Variants in TLK1 observed in about 807,000 individuals in gnomAD.
The protein encoded by TLK1 is tousled like kinase 1, also known as serine/threonine-protein kinase tousled-like 1.
Under a neutral mutation model 105.3 loss-of-function variants are expected in TLK1, and 24 were observed. The ratio of observed to expected loss-of-function variants is 0.23; its 90% CI spans 0.17 to 0.32. TLK1 has a LOEUF of 0.32. Among genes scored for constraint, TLK1 ranks in the 10% least tolerant of loss-of-function variants. The pLI is 1.00. For synonymous variants in TLK1, 321 were observed against 310.4 expected, an observed-to-expected ratio of 1.03 and a Z score of -0.36; for missense variants, 558 against 910.5, an observed-to-expected ratio of 0.61 and a Z score of 4.98.
chr2:171,028,937 G>T (rs1215816794), intron 11 of TLK1, among the ~76,000 whole-genome samples: 2 of 69,688 alleles, frequency 2.9e-5, no homozygotes, highest in Non-Finnish European at 5.6e-5. Flanking sequence ...TTTGGACTGG[G>T]TGTTAGAGAG....
At chr2:171,083,672 G>GA (rs1174603133) in intron 2 of TLK1, among the ~76,000 whole-genome samples, 1 of 152,140 alleles carries the variant, frequency 6.6e-6, no homozygotes, top group Admixed American at 6.5e-5. Flanking sequence ...ACTTGTAACA[G>GA]GAGTGGCTGC....
chr2:171,103,373 G>T (rs979791173), intron 2 of TLK1, among the ~76,000 whole-genome samples: 5 of 151,332 alleles, frequency 3.3e-5, no homozygotes, highest in Non-Finnish European at 5.9e-5. Context: ...CGCCTCCTGG[G>T]TTCAAGCAAT....
intron 1 of TLK1, among the ~76,000 whole-genome samples, chr2:171,133,044 T>C (rs182637384): frequency 1.3e-5 from 2 of 152,314 alleles, no homozygotes; most frequent in African/African-American, 2.4e-5. Flanking sequence ...CAAGGAACTA[T>C]AACTTCTTGG....
At chr2:171,054,853 T>C (rs1352103934) in intron 7 of TLK1, 1 of 307,128 alleles carries the variant, frequency 3.3e-6, no homozygotes, top group Non-Finnish European at 6.1e-6. Flanking sequence ...AAAGAATCAG[T>C]AAACAGAACT....
At chr2:171,159,435 G>GTAA (rs1167674111) in intron 1 of TLK1, among the ~76,000 whole-genome samples, 1 of 152,210 alleles carries the variant, frequency 6.6e-6, no homozygotes, top group Non-Finnish European at 1.5e-5. Context: ...TACAAGCTGT[G>GTAA]TAACTGCTAC....
Position 171,006,659 on chromosome 2 carries a change from GA to G in TLK1, c.1599-17del. 1 of 1,611,378 alleles carries G rather than the reference GA, an allele frequency of 6.2e-7. No homozygotes were observed. ...TGTACAAAACCTACAACAGAGAAGA[GA>G]AAAAAATTAGACATAAGTAATATCC... On this transcript the variant is annotated splice_polypyrimidine_tract_variant and intron_variant, in intron 16 of 20. Transcript: ENST00000431350.
At chr2:171,050,659 T>A (rs1466195140) in intron 8 of TLK1, among the ~76,000 whole-genome samples, 1 of 152,220 alleles carries the variant, frequency 6.6e-6, no homozygotes, top group East Asian at 1.9e-4. Context: ...ATAAATGACA[T>A]ACACAAGTTG....
At chr2:171,006,410 T>G in intron 17 of TLK1, 64 bp downstream of exon 17, 1 of 1,501,524 alleles carries the variant, frequency 6.7e-7, no homozygotes, top group South Asian at 1.4e-5. Context: ...TTCAGATAAC[T>G]TAATGAATGA....
chr2:171,193,700 A>ATTTTTTTTTTTTT (rs35175399), intron 1 of TLK1, among the ~76,000 whole-genome samples: 1 of 64,634 alleles, frequency 1.5e-5, no homozygotes, highest in African/African-American at 6.6e-5. Flanking sequence ...AGCGCCTGGC[A>ATTTTTTTTTTTTT]TTTTTTTTTT....
rs995492090 is a variant in TLK1 at position 171,160,223 on chromosome 2, G to T, written c.139+67C>A. 7.3e-5 allele frequency: 94 copies of T among 1,282,512 alleles called. No individual in the cohort carries two copies. The East Asian group carries it at 1.5e-3, about 20-fold the overall frequency. The allele number at this position is 1,282,512 out of a possible 1,614,324, so 79.4% of individuals were successfully genotyped here. A position where few individuals can be genotyped will look rare whatever the true frequency, so the allele number is the denominator to read the frequency against. ...AGCCCCGGGGCGGGGGGGGCGGGGG[G>T]GGGGCGCGGGGGTCCGCGGCGCGGG... is the stretch of plus-strand genomic sequence containing the variant. On this transcript the variant is annotated intron_variant, in intron 1 of 20. Transcript: ENST00000431350. The surrounding 1 kb of genome is among the most constrained non-coding windows in gnomAD (Gnocchi z 4.4).
chr2:171,022,225 T>C (rs1685560684), intron 12 of TLK1, among the ~76,000 whole-genome samples: 2 of 151,748 alleles, frequency 1.3e-5, no homozygotes, highest in African/African-American at 2.4e-5. Flanking sequence ...TATGGAAAAA[T>C]AGAGCCAGGA....
chr2:171,010,392 G>A (rs1275764679), intron 14 of TLK1, among the ~76,000 whole-genome samples: 1 of 152,146 alleles, frequency 6.6e-6, no homozygotes, highest in Non-Finnish European at 1.5e-5. Context: ...TCAAATGTGA[G>A]TTTCCAGTAC....
intron 2 of TLK1, chr2:171,091,608 C>T (rs951666178): frequency 3.3e-5 from 5 of 152,114 alleles, no homozygotes; most frequent in African/African-American, 1.2e-4. Flanking sequence ...TAATCTTTAC[C>T]CATACCTATA....
intron 3 of TLK1, among the ~76,000 whole-genome samples, chr2:171,080,580 T>C (rs982455734): frequency 1.4e-4 from 21 of 150,152 alleles, no homozygotes; most frequent in Admixed American, 1.3e-3. Flanking sequence ...ATAATGGTAA[T>C]AGTAATTATT....
At chr2:171,229,583 G>A (rs1454124441) in intron 1 of TLK1, among the ~76,000 whole-genome samples, 2 of 152,146 alleles carry the variant, frequency 1.3e-5, no homozygotes, top group Non-Finnish European at 2.9e-5. Flanking sequence ...ATGAGCTACT[G>A]GACTTCAATT....
chr2:171,226,138 CAT>C (rs1693893206), intron 1 of TLK1, among the ~76,000 whole-genome samples: 1 of 152,124 alleles, frequency 6.6e-6, no homozygotes, highest in South Asian at 2.1e-4. Flanking sequence ...AATGGTGAAA[CAT>C]GTAGTGAGAA....
At chr2:171,168,229 C>A (rs1185185276) in intron 1 of TLK1, among the ~76,000 whole-genome samples, 1 of 151,768 alleles carries the variant, frequency 6.6e-6, no homozygotes, top group Non-Finnish European at 1.5e-5. Context: ...TAATGCATTC[C>A]CAGAAAATAA....
chr2:171,120,721 C>G (rs1002344856), intron 1 of TLK1, among the ~76,000 whole-genome samples: 1 of 152,110 alleles, frequency 6.6e-6, no homozygotes, highest in Non-Finnish European at 1.5e-5. Context: ...GGCCACTGTG[C>G]AAAACAGTAT....
At chr2:171,004,204 C>A (rs1684536303) in intron 18 of TLK1, among the ~76,000 whole-genome samples, 1 of 152,156 alleles carries the variant, frequency 6.6e-6, no homozygotes, top group Admixed American at 6.5e-5. Flanking sequence ...CTCAAGTGAT[C>A]CGCCCGCCTC....
Sources: gnomAD v4.1 joint callset for allele counts (sites outside exome capture counted in the v4.1 genomes callset) on GRCh38, gnomAD v4.1.1 for gene constraint, Gnocchi (gnomAD v3.1) non-coding constraint, MANE v1.5 for transcripts, NCBI Gene and HGNC (gene_info 2026-07-23, HGNC 2026-07-21) for gene names.